Variants in EPG5 observed in about 807,000 individuals in gnomAD.
EPG5 encodes the protein ectopic P-granules 5 autophagy tethering factor.
Under a neutral mutation model 302.7 loss-of-function variants are expected in EPG5, and 159 were observed. The ratio of observed to expected loss-of-function variants is 0.53; its 90% CI spans 0.46 to 0.60. EPG5 has a LOEUF of 0.60. Among genes scored for constraint, EPG5 ranks in the 20% least tolerant of loss-of-function variants. The probability of loss-of-function intolerance (pLI) is 0.00; values close to 1 mark genes in which losing one functional copy is unlikely to be tolerated. For missense variants in EPG5, 2,896 were observed against 3,092.4 expected, an observed-to-expected ratio of 0.94 and a Z score of 1.51; for synonymous variants, 1,158 against 1,136.8, an observed-to-expected ratio of 1.02 and a Z score of -0.37.
intron 6 of EPG5, 126 bp from the exon 7 acceptor site, chr18:45,946,894 A>G: frequency 2.7e-6 from 2 of 752,184 alleles, no homozygotes; most frequent in East Asian, 2.6e-5. Flanking sequence ...AAATTAGTGA[A>G]TAAGAACTGG....
chr18:45,852,565 T>C lies in EPG5; in HGVS notation c.7642A>G (p.Arg2548Gly). The change falls in exon 44 of 44, where the codon AGG (arginine) becomes GGG (glycine). Residue 2548 changes from arginine to glycine, a missense_variant. Physicochemically the swap from Arg to Gly is moderately radical, Grantham distance 125. This residue lies in a region of EPG5 where 620 missense variants were observed against 704.2 expected (regional missense o/e 0.88). Coordinates refer to ENST00000282041, the MANE Select transcript of EPG5 (RefSeq NM_020964.3). ...DQILQATQFIRHPGHCLQDGK... is the reference protein window; with the variant it reads ...DQILQATQFIGHPGHCLQDGK... The stretch of plus-strand genomic sequence containing the variant: ...TCTTGAAGGCAATGGCCAGGATGCC[T>C]TATAAATTGGGTGGCTTGCAATATT... The C allele has an allele frequency of 6.2e-7, 1 of 1,614,142 alleles. No homozygotes were observed.
chr18:45,937,389 C>CAT (rs978420587), intron 10 of EPG5, among the ~76,000 whole-genome samples: 10 of 150,742 alleles, frequency 6.6e-5, no homozygotes, highest in Admixed American at 2.0e-4. Context: ...TACACACACA[C>CAT]ATATATATAC....
At chr18:45,958,519 C>A (rs1179499544) in intron 1 of EPG5, among the ~76,000 whole-genome samples, 3 of 152,166 alleles carry the variant, frequency 2.0e-5, no homozygotes, top group Admixed American at 2.0e-4. Context: ...TAAAACCTTA[C>A]ATATATGGCA....
the EPG5 span, chr18:45,838,805 C>T: frequency 6.4e-7 from 1 of 1,558,684 alleles, no homozygotes; most frequent in Non-Finnish European, 8.6e-7. Context: ...GAGCCGCCGC[C>T]CGCCCTCGCC....
rs76452585 is a variant in EPG5, at chr18:45,897,063, A to G, written c.4809+2341T>C. On this transcript the variant is annotated intron_variant, in intron 27 of 43. Coordinates refer to ENST00000282041, the MANE Select transcript of EPG5 (RefSeq NM_020964.3). ...AAAATCTCAATTCAAGGGTTCAGAC[A>G]AATAATATAATACTATGATCCCTTT... Among the ~76,000 whole-genome samples the G allele has an allele frequency of 4.5e-4, 69 of 152,364 alleles. No individual in the cohort carries two copies. The East Asian group carries it at 9.8e-3, about 22-fold the overall frequency.
rs544186671 is a variant in EPG5, at chr18:45,879,009, T to C, written c.5869+4A>G. On this transcript the variant is annotated splice_donor_region_variant and intron_variant, in intron 33 of 43. Coordinates refer to ENST00000282041, the MANE Select transcript of EPG5 (RefSeq NM_020964.3). ...AGCTCCACATCGCATGAGAAGTATA[T>C]TACCTGTTTTCCTGCTGGCAGTTGG... 3.7e-6 allele frequency: 6 copies of C among 1,613,386 alleles called. No homozygotes were observed. In the South Asian group the frequency reaches 4.4e-5, roughly 12 times the overall value.
chr18:45,908,056 G>T lies in EPG5; in HGVS notation c.4231C>A (p.Leu1411Ile), dbSNP rs1406862002. 1 of 1,551,472 alleles carries T rather than the reference G, an allele frequency of 6.4e-7. No individual in the cohort carries two copies. The highest frequency in any genetic ancestry group is 1.9e-5 in the Admixed American group (1 of 53,622). ...CCTTTTTGAAAATTCTCATCTTCTAGCCATAATATATATACATTGAAGAGC... is the reference window on the plus strand; with the variant it reads ...CCTTTTTGAAAATTCTCATCTTCTATCCATAATATATATACATTGAAGAGC... ...VRLFNVYILW[L>I]EDENFQKGDT... Residue 1411 changes from leucine (L) to isoleucine (I), a missense_variant, in exon 24 of 44, where the codon CTA becomes ATA. Transcript: ENST00000282041.
intron 20 of EPG5, 97 bp from the exon 21 acceptor site, chr18:45,913,925 A>C (rs1290663737): frequency 8.1e-4 from 1,159 of 1,431,624 alleles, no homozygotes; most frequent in Non-Finnish European, 1.0e-3. Flanking sequence ...TTCCTATCTC[A>C]AGCTCAATCA....
chr18:45,942,315 G>T (rs1305056395), intron 9 of EPG5, among the ~76,000 whole-genome samples: 1 of 152,066 alleles, frequency 6.6e-6, no homozygotes, highest in African/African-American at 2.4e-5. Flanking sequence ...TAAAATAAAT[G>T]AATTAGGCCA....
chr18:45,920,967 A>G (rs1299446314), intron 16 of EPG5, among the ~76,000 whole-genome samples: 1 of 152,166 alleles, frequency 6.6e-6, no homozygotes, highest in Admixed American at 6.5e-5. Context: ...CATTAGAGAT[A>G]CTTAGAGAAC....
chr18:45,873,889 G>T (rs549984236), intron 35 of EPG5, among the ~76,000 whole-genome samples: 1 of 152,296 alleles, frequency 6.6e-6, no homozygotes, highest in Non-Finnish European at 1.5e-5. Flanking sequence ...GGCATAAAGA[G>T]ACTTCAATGT....
At chr18:45,931,482 T>C (rs988572517) in intron 11 of EPG5, among the ~76,000 whole-genome samples, 1 of 152,144 alleles carries the variant, frequency 6.6e-6, no homozygotes, top group Non-Finnish European at 1.5e-5. Context: ...CAAATATACA[T>C]GACAGTAAAC....
chr18:45,886,832 A>T (rs544993410), intron 29 of EPG5, among the ~76,000 whole-genome samples: 1 of 152,054 alleles, frequency 6.6e-6, no homozygotes, highest in African/African-American at 2.4e-5. Context: ...CTAATTTTGT[A>T]TTTATAGTAG....
At chr18:45,927,770 A>G (rs2050308584) in intron 13 of EPG5, among the ~76,000 whole-genome samples, 1 of 152,180 alleles carries the variant, frequency 6.6e-6, no homozygotes, top group Admixed American at 6.5e-5. Flanking sequence ...TTCCATTAAT[A>G]TGAAATGTCT....
chr18:45,865,200 C>A (rs1443716553), intron 39 of EPG5, among the ~76,000 whole-genome samples: 1 of 152,184 alleles, frequency 6.6e-6, no homozygotes, highest in Admixed American at 6.5e-5. Context: ...TTTCATCCAG[C>A]ACCCAGTTAT....
At chr18:45,883,012 CAA>C (rs35030980) in intron 30 of EPG5, among the ~76,000 whole-genome samples, 21 of 87,406 alleles carry the variant, frequency 2.4e-4, no homozygotes, top group Non-Finnish European at 2.1e-4. Context: ...CGTCTCACAA[CAA>C]AAAAAAAAAA....
At chr18:45,903,847 C>A (rs1454631942) in intron 25 of EPG5, 126 bp downstream of exon 25, 2 of 964,786 alleles carry the variant, frequency 2.1e-6, no homozygotes, top group African/African-American at 3.4e-5. Context: ...CAACTGAAAT[C>A]TCTTTTTAAA....
At chr18:45,909,958 G>A (rs867428052) in intron 23 of EPG5, among the ~76,000 whole-genome samples, 3 of 152,104 alleles carry the variant, frequency 2.0e-5, no homozygotes, top group Non-Finnish European at 4.4e-5. Flanking sequence ...GCAACATAGT[G>A]AGACACTCCT....
rs748583309 is a variant in EPG5 at position 45,899,563 on chromosome 18, G to A, written c.4650C>T (p.Thr1550=). The A allele has an allele frequency of 3.7e-5, 59 of 1,613,754 alleles. No individual in the cohort carries two copies. The Admixed American group carries it at 5.0e-4, about 14-fold the overall frequency. The change falls in exon 27 of 44, where the codon ACC becomes ACT. Residue 1550 remains threonine (T), a synonymous_variant. Coordinates refer to ENST00000282041, the MANE Select transcript of EPG5 (RefSeq NM_020964.3). The part of the protein sequence containing the change: ...DLNLLQQQAR[T]AALRESQQVA... ...CCTGCTGAGATTCCCGAAGAGCTGC[G>A]GTTCTGAAAAACATCATCAGGAGGT...
Sources: gnomAD v4.1 joint callset for allele counts (sites outside exome capture counted in the v4.1 genomes callset) on GRCh38, gnomAD v4.1.1 for gene constraint, gnomAD v4.1.1 regional missense constraint, MANE v1.5 for transcripts, NCBI Gene and HGNC (gene_info 2026-07-23, HGNC 2026-07-21) for gene names.